The following HRH1 variants were observed in gnomAD, a reference collection of about 807,000 sequenced individuals.
The protein encoded by HRH1 is histamine H1 receptor.
A neutral mutation model predicts 10.3 loss-of-function variants in HRH1; 6 were observed. That is an observed-to-expected ratio of 0.58 (90% CI 0.32 to 1.15). The LOEUF (loss-of-function observed/expected upper bound fraction) is 1.15, where lower values mean the gene tolerates loss of function less well. Ranked by LOEUF, HRH1 falls within the 50% of genes most tolerant of loss-of-function variation. The pLI is 0.05. For missense variants in HRH1, 514 were observed against 615.3 expected (o/e 0.84, Z 1.74); for synonymous variants, 242 against 236.7 (o/e 1.02, Z -0.21).
intron 1 of HRH1, among the ~76,000 whole-genome samples, chr3:11,181,627 C>CTTTTTTTTTT (rs35710248): frequency 8.8e-6 from 1 of 113,172 alleles, no homozygotes; most frequent in Non-Finnish European, 1.7e-5. Flanking sequence ...ATCCCTTGCT[C>CTTTTTTTTTT]TTTTTTTTTT....
chr3:11,246,226 G>T (rs1939482894), intron 1 of HRH1, among the ~76,000 whole-genome samples: 1 of 152,212 alleles, frequency 6.6e-6, no homozygotes, highest in African/African-American at 2.4e-5. Flanking sequence ...CTGCTACTCT[G>T]AGGACACAGA....
At chr3:11,179,743 T>G (rs1937317013) in intron 1 of HRH1, among the ~76,000 whole-genome samples, 2 of 151,210 alleles carry the variant, frequency 1.3e-5, no homozygotes, top group African/African-American at 2.4e-5. Context: ...GGCCTCAGTT[T>G]GTTGCTATTG....
chr3:11,166,651 G>C (rs1391923929), intron 1 of HRH1, among the ~76,000 whole-genome samples: 1 of 120,576 alleles, frequency 8.3e-6, no homozygotes, highest in Non-Finnish European at 1.7e-5. Flanking sequence ...TCTCCAGGCT[G>C]TGACATCTCC....
chr3:11,225,357 A>G (rs1024884051), intron 1 of HRH1, among the ~76,000 whole-genome samples: 3 of 152,218 alleles, frequency 2.0e-5, no homozygotes, highest in Admixed American at 2.0e-4. Flanking sequence ...AGAGAGGGAC[A>G]GACTGCTCTC....
chr3:11,251,917 C>G (rs1939662986), intron 1 of HRH1, among the ~76,000 whole-genome samples: 1 of 152,150 alleles, frequency 6.6e-6, no homozygotes, highest in Admixed American at 6.5e-5. Flanking sequence ...CCATGGGTTA[C>G]TGGGTTAAGA....
At chr3:11,138,383 G>C (rs544674004) in intron 1 of HRH1, among the ~76,000 whole-genome samples, 1 of 152,180 alleles carries the variant, frequency 6.6e-6, no homozygotes, top group Non-Finnish European at 1.5e-5. Context: ...CAAAAAATGG[G>C]TAAAGGACTT....
intron 1 of HRH1, among the ~76,000 whole-genome samples, chr3:11,137,656 G>C (rs1936209074): frequency 6.6e-6 from 1 of 152,154 alleles, no homozygotes; most frequent in African/African-American, 2.4e-5. Context: ...GAGGAGTCCA[G>C]TCAGCCCCCA....
At chr3:11,256,084 T>C (rs991554435) in intron 1 of HRH1, among the ~76,000 whole-genome samples, 1 of 152,032 alleles carries the variant, frequency 6.6e-6, no homozygotes, top group African/African-American at 2.4e-5. Flanking sequence ...TAGGAGGTGA[T>C]GGCTGAGGGG....
chr3:11,221,776 C>A (rs1938719556), intron 1 of HRH1, among the ~76,000 whole-genome samples: 1 of 152,100 alleles, frequency 6.6e-6, no homozygotes, highest in Admixed American at 6.5e-5. Flanking sequence ...CCCCCGGCAG[C>A]CACCATTCCA....
intron 1 of HRH1, among the ~76,000 whole-genome samples, chr3:11,232,525 G>A (rs532189007): frequency 2.0e-5 from 3 of 152,184 alleles, no homozygotes; most frequent in Admixed American, 2.0e-4. Flanking sequence ...CTTGATTACT[G>A]TAGCTATTAA....
At position 11,144,759 on chromosome 3, in the gene HRH1, A is replaced by G. The variant is rs1445523590; in HGVS notation, c.-36+7360A>G. Among the ~76,000 whole-genome samples the G allele has an allele frequency of 7.2e-5, 11 of 151,948 alleles. No individual in the cohort carries two copies. In the South Asian group the frequency reaches 1.7e-3, roughly 23 times the overall value. On this transcript the variant is annotated intron_variant, in intron 1 of 1. Transcript: ENST00000438284. Reference sequence around the variant, plus strand: ...ACAACATCTGGCCAACCACGACAACACTTATAAATGTAGCTCTTCCTGAAT... The same window carrying G: ...ACAACATCTGGCCAACCACGACAACGCTTATAAATGTAGCTCTTCCTGAAT...
chr3:11,166,289 A>G (rs1937028225), intron 1 of HRH1, among the ~76,000 whole-genome samples: 1 of 152,214 alleles, frequency 6.6e-6, no homozygotes, highest in Non-Finnish European at 1.5e-5. Context: ...GAAGCGTTGA[A>G]AAAGAAAGAC....
intron 1 of HRH1, among the ~76,000 whole-genome samples, chr3:11,196,402 T>C (rs927578530): frequency 5.9e-5 from 9 of 152,120 alleles, no homozygotes; most frequent in African/African-American, 2.2e-4. Flanking sequence ...GTCCGTGTGA[T>C]TCCTTGATTT....
chr3:11,189,510 G>C (rs139887048), intron 1 of HRH1, among the ~76,000 whole-genome samples: 2 of 152,094 alleles, frequency 1.3e-5, no homozygotes, highest in East Asian at 3.8e-4. Context: ...AACAAGTTTC[G>C]CAATTCTCTA....
chr3:11,187,863 G>T (rs1210495603), intron 1 of HRH1, among the ~76,000 whole-genome samples: 3 of 152,198 alleles, frequency 2.0e-5, no homozygotes, highest in Non-Finnish European at 4.4e-5. Flanking sequence ...GCCTCCAGTT[G>T]TAATGGTTGC....
At chr3:11,207,773 C>T (rs1938189971) in intron 1 of HRH1, among the ~76,000 whole-genome samples, 1 of 152,100 alleles carries the variant, frequency 6.6e-6, no homozygotes. Context: ...ATAGTGACCC[C>T]TCCATCAACA....
intron 1 of HRH1, among the ~76,000 whole-genome samples, chr3:11,258,678 G>C (rs1262370853): frequency 6.6e-6 from 1 of 152,082 alleles, no homozygotes; most frequent in Non-Finnish European, 1.5e-5. Context: ...GAACATGTGC[G>C]GAATTAGATT....
Position 11,171,881 on chromosome 3 carries a change from T to C in HRH1, c.-36+17327T>C, listed in dbSNP as rs531584499. 1.5e-4 allele frequency among the ~76,000 whole-genome samples: 23 copies of C among 152,362 alleles called. 1 individual carries two copies. The highest frequency in any genetic ancestry group is 3.3e-4 in the Admixed American group (5 of 15,304). ...GGATATCTAAACTCAACTTGCTTGC[T>C]TACTCAGTAAGGGGAAAACTTCTTT... On this transcript the variant is annotated intron_variant, in intron 1 of 1. Coordinates refer to ENST00000431010, the MANE Select transcript of HRH1 (RefSeq NM_001098212.2).
At chr3:11,156,685 C>T (rs1159101604) in intron 1 of HRH1, among the ~76,000 whole-genome samples, 1 of 152,210 alleles carries the variant, frequency 6.6e-6, no homozygotes, top group East Asian at 1.9e-4. Context: ...ACCTTCTTCA[C>T]TGCGTTGGTA....
Sources: gnomAD v4.1 joint callset for allele counts (sites outside exome capture counted in the v4.1 genomes callset) on GRCh38, gnomAD v4.1.1 for gene constraint, MANE v1.5 for transcripts, NCBI Gene and HGNC (gene_info 2026-07-23, HGNC 2026-07-21) for gene names.